The following ESR1 variants were observed in gnomAD, a reference collection of about 807,000 sequenced individuals.
ESR1 encodes estrogen receptor.
In ESR1, 12 loss-of-function variants were observed where a neutral mutation model predicts 52.7. The observed-to-expected ratio is 0.23, with a 90% CI of 0.15 to 0.37. The LOEUF is 0.37. ESR1 is among the 10% of genes least tolerant of loss of function. The probability of loss-of-function intolerance (pLI) is 1.00; values close to 1 mark genes in which losing one functional copy is unlikely to be tolerated. For missense variants in ESR1, 584 were observed against 779.7 expected (o/e 0.75, Z 2.99); for synonymous variants, 305 against 316.8 (o/e 0.96, Z 0.39).
intron 2 of ESR1, among the ~76,000 whole-genome samples, chr6:151,858,051 G>T (rs905808865): frequency 6.6e-6 from 1 of 152,036 alleles, no homozygotes; most frequent in South Asian, 2.1e-4. Context: ...AGTACAGAAA[G>T]ATTATTCTGT....
At chr6:152,033,825 C>A (rs1477962295) in intron 5 of ESR1, among the ~76,000 whole-genome samples, 1 of 152,092 alleles carries the variant, frequency 6.6e-6, no homozygotes, top group East Asian at 1.9e-4. Flanking sequence ...AATCATGCTG[C>A]TATAAAGACA....
intron 1 of ESR1, among the ~76,000 whole-genome samples, chr6:151,817,411 G>T (rs939988769): frequency 2.6e-5 from 4 of 151,302 alleles, no homozygotes; most frequent in African/African-American, 9.7e-5. Context: ...GACTAGTGAT[G>T]TGCCTCAAGG....
At chr6:151,903,106 T>C (rs937556154) in intron 3 of ESR1, among the ~76,000 whole-genome samples, 41 of 152,216 alleles carry the variant, frequency 2.7e-4, no homozygotes, top group Admixed American at 2.4e-3. Flanking sequence ...ACAGAATGTA[T>C]TTTGTCCCGT....
intron 3 of ESR1, among the ~76,000 whole-genome samples, chr6:151,926,525 T>G (rs746471240): frequency 1.3e-5 from 2 of 152,114 alleles, no homozygotes; most frequent in Non-Finnish European, 2.9e-5. Context: ...AAGATCTTCT[T>G]TCATTTTTCA....
At position 151,665,251 on chromosome 6, in the gene ESR1, A is replaced by G. The variant is rs530880533; in HGVS notation, n.73+8488A>G. On this transcript the variant is annotated intron_variant and non_coding_transcript_variant, in intron 1 of 2. Transcript: ENST00000473497. ...GAGACTTCCATTAAACAAGAAAATG[A>G]GGTGGGAAAGGTCAGAGGATTCACA... is the stretch of plus-strand genomic sequence containing the variant. Among the ~76,000 whole-genome samples, 331 of 152,218 alleles carry G rather than the reference A, an allele frequency of 2.2e-3. 3 individuals are homozygous for G. The highest frequency in any genetic ancestry group is 7.6e-3 in the African/African-American group (314 of 41,536).
At chr6:151,682,213 C>G (rs918904274) in intron 1 of ESR1, among the ~76,000 whole-genome samples, 1 of 152,212 alleles carries the variant, frequency 6.6e-6, no homozygotes, top group Middle Eastern at 3.2e-3. Flanking sequence ...TTTGTTTTCA[C>G]TCTATTTCCT....
intron 3 of ESR1, among the ~76,000 whole-genome samples, chr6:151,893,455 AGG>A (rs1794993620): frequency 6.6e-6 from 1 of 151,850 alleles, no homozygotes; most frequent in Non-Finnish European, 1.5e-5. Flanking sequence ...AATTATATTT[AGG>A]TGATTATATT....
intron 3 of ESR1, among the ~76,000 whole-genome samples, chr6:151,897,966 C>G (rs570665342): frequency 1.3e-5 from 2 of 152,218 alleles, no homozygotes; most frequent in South Asian, 4.1e-4. Context: ...CTTAGTTTTG[C>G]TGGATACAAA....
chr6:152,022,490 G>A lies in ESR1; in HGVS notation c.1235+10696G>A, dbSNP rs80126869. On this transcript the variant is annotated intron_variant, in intron 5 of 7. Transcript: ENST00000206249. ...GAGAGCCATCTCCGTAGCTAAAAGT[G>A]TGGAACGAATGTGATGACTAGACAA... Among the ~76,000 whole-genome samples, 32 of 152,302 alleles carry A rather than the reference G, an allele frequency of 2.1e-4. No homozygotes were observed. The East Asian group carries it at 5.4e-3, about 26-fold the overall frequency.
chr6:151,991,672 G>A lies in ESR1; in HGVS notation c.1097-19984G>A, dbSNP rs185738380. On this transcript the variant is annotated intron_variant, in intron 4 of 7. Coordinates refer to ENST00000206249, the MANE Select transcript of ESR1 (RefSeq NM_000125.4). ...TTGTCTCAATGGCATGAGGAGCAGG[G>A]GCCAGATGGGAAAGGACATCGTGGT... 2.0e-5 allele frequency among the ~76,000 whole-genome samples: 3 copies of A among 152,198 alleles called. No homozygotes were observed. The East Asian group carries it at 5.8e-4, about 29-fold the overall frequency.
At chr6:151,926,637 T>A (rs151132300) in intron 3 of ESR1, among the ~76,000 whole-genome samples, 2,996 of 152,230 alleles carry the variant, frequency 0.02, 44 homozygotes, top group Middle Eastern at 0.051. Flanking sequence ...AACTTTGAAT[T>A]CCTGTTATTC....
chr6:151,867,848 A>G (rs1377878134), intron 2 of ESR1, among the ~76,000 whole-genome samples: 1 of 152,186 alleles, frequency 6.6e-6, no homozygotes. Context: ...AAAAACAGGG[A>G]TGACTGAATT....
At chr6:151,980,955 G>A (rs2039937144) in intron 4 of ESR1, among the ~76,000 whole-genome samples, 1 of 152,136 alleles carries the variant, frequency 6.6e-6, no homozygotes, top group South Asian at 2.1e-4. Flanking sequence ...ACCCGTTTTG[G>A]CCTCTCAAAG....
intron 2 of ESR1, among the ~76,000 whole-genome samples, chr6:151,857,823 C>A (rs1788141015): frequency 6.6e-6 from 1 of 152,068 alleles, no homozygotes; most frequent in Non-Finnish European, 1.5e-5. Context: ...GCTACCACAC[C>A]CAGTTGCAAT....
intron 3 of ESR1, among the ~76,000 whole-genome samples, chr6:151,899,554 G>C (rs1464200760): frequency 6.7e-6 from 1 of 149,048 alleles, no homozygotes; most frequent in Non-Finnish European, 1.5e-5. Context: ...TCCCGGACGG[G>C]GCGGCTGGCC....
intron 1 of ESR1, among the ~76,000 whole-genome samples, chr6:151,661,476 C>T (rs140994341): frequency 6.6e-6 from 1 of 152,332 alleles, no homozygotes; most frequent in African/African-American, 2.4e-5. Context: ...GTTCCACAAG[C>T]CCTCACTTTG....
chr6:151,768,696 T>C (rs549683191), intron 2 of ESR1, among the ~76,000 whole-genome samples: 2 of 152,328 alleles, frequency 1.3e-5, no homozygotes, highest in Middle Eastern at 3.4e-3. Context: ...GATAGATAGA[T>C]GACAGGATAA....
At chr6:151,940,973 TTA>T (rs2034987205) in intron 3 of ESR1, among the ~76,000 whole-genome samples, 1 of 152,218 alleles carries the variant, frequency 6.6e-6, no homozygotes, top group Admixed American at 6.5e-5. Flanking sequence ...TAGATTAGCG[TTA>T]GTATGACTGC....
intron 4 of ESR1, among the ~76,000 whole-genome samples, chr6:151,979,687 C>A (rs1180694201): frequency 1.3e-5 from 2 of 152,102 alleles, no homozygotes; most frequent in East Asian, 3.8e-4. Flanking sequence ...TTCTGAAGTT[C>A]TTGAAAATAA....
Sources: allele counts gnomAD v4.1 joint callset (sites outside exome capture counted in the v4.1 genomes callset), GRCh38; gene constraint gnomAD v4.1.1; transcripts MANE v1.5; gene names NCBI Gene and HGNC (gene_info 2026-07-23, HGNC 2026-07-21).